The following SAMSN1 variants were observed in gnomAD, a reference collection of about 807,000 sequenced individuals.
SAMSN1 encodes SAM domain, SH3 domain and nuclear localization signals 1.
A neutral mutation model predicts 42.0 loss-of-function variants in SAMSN1; 31 were observed. The observed-to-expected ratio is 0.74, with a 90% CI of 0.55 to 1.00. The LOEUF (loss-of-function observed/expected upper bound fraction) is 1.00. Among genes scored for constraint, SAMSN1 ranks in the 50% least tolerant of loss-of-function variants. The pLI is 0.00. For synonymous variants in SAMSN1, 178 were observed against 151.9 expected, an observed-to-expected ratio of 1.17 and a Z score of -1.26; for missense variants, 464 against 439.4, an observed-to-expected ratio of 1.06 and a Z score of -0.50.
intron 2 of SAMSN1, among the ~76,000 whole-genome samples, chr21:14,618,193 T>G (rs1287676411): frequency 6.6e-6 from 1 of 152,218 alleles, no homozygotes; most frequent in African/African-American, 2.4e-5. Context: ...TTGGGAAATT[T>G]TGTTAAAAGA....
At chr21:14,489,410 T>C (rs1986582286) in intron 7 of SAMSN1, among the ~76,000 whole-genome samples, 1 of 152,178 alleles carries the variant, frequency 6.6e-6, no homozygotes, top group Non-Finnish European at 1.5e-5. Context: ...GCATATAACT[T>C]ACAAACAAAA....
chr21:14,616,434 T>A (rs1000378932), intron 2 of SAMSN1, among the ~76,000 whole-genome samples: 1 of 152,174 alleles, frequency 6.6e-6, no homozygotes, highest in Non-Finnish European at 1.5e-5. Flanking sequence ...GTGTGTTAGT[T>A]GTATCATAGA....
intron 2 of SAMSN1, among the ~76,000 whole-genome samples, chr21:14,561,647 C>A (rs948027225): frequency 6.6e-6 from 1 of 152,134 alleles, no homozygotes; most frequent in East Asian, 1.9e-4. Context: ...TGACCCCCAG[C>A]ACCTCAGAAT....
chr21:14,508,635 G>A (rs1987535686), intron 5 of SAMSN1, among the ~76,000 whole-genome samples: 1 of 152,216 alleles, frequency 6.6e-6, no homozygotes, highest in Non-Finnish European at 1.5e-5. Flanking sequence ...AACCACTATG[G>A]AAAACAGTGT....
At chr21:14,538,575 T>A (rs1979788755) in intron 1 of SAMSN1, among the ~76,000 whole-genome samples, 2 of 152,296 alleles carry the variant, frequency 1.3e-5, no homozygotes, top group Middle Eastern at 3.4e-3. Flanking sequence ...TTATACCTGG[T>A]TAGATAAGAG....
intron 2 of SAMSN1, among the ~76,000 whole-genome samples, chr21:14,564,995 A>G (rs1300123007): frequency 6.6e-6 from 1 of 152,086 alleles, no homozygotes; most frequent in East Asian, 1.9e-4. Flanking sequence ...AACCAAGAAG[A>G]AAAAAGAACA....
chr21:14,632,379 A>C (rs1442265538), intron 2 of SAMSN1, among the ~76,000 whole-genome samples: 4 of 152,086 alleles, frequency 2.6e-5, no homozygotes, highest in Admixed American at 6.6e-5. Flanking sequence ...AACCCTGATC[A>C]GTATCTTGTC....
chr21:14,506,003 A>G lies in SAMSN1; in HGVS notation c.561+4307T>C, dbSNP rs143217793. On this transcript the variant is annotated intron_variant, in intron 5 of 7. Transcript: ENST00000400566. The stretch of plus-strand genomic sequence containing the variant: ...GGTGAAAAATGAAATCAAGATGGAA[A>G]TTAAAAAATTCTTTGAACTGAACAA... Among the ~76,000 whole-genome samples the G allele has an allele frequency of 9.0e-3, 1,376 of 152,294 alleles. 31 individuals carry two copies. Among genetic ancestry groups the G allele is most frequent in the African/African-American group, 0.031 (1,299 of 41,572 alleles).
intron 6 of SAMSN1, among the ~76,000 whole-genome samples, chr21:14,595,310 C>T (rs1319534464): frequency 2.6e-5 from 4 of 151,982 alleles, no homozygotes; most frequent in African/African-American, 9.7e-5. Flanking sequence ...GAATTAGAGC[C>T]CTTATAAAAG....
chr21:14,548,846 G>A (rs1231733518), upstream of SAMSN1, among the ~76,000 whole-genome samples: 1 of 151,892 alleles, frequency 6.6e-6, no homozygotes, highest in South Asian at 2.1e-4. Context: ...GTCACAGATG[G>A]ACAGAACAAG....
Position 14,602,160 on chromosome 21 carries a change from C to T in SAMSN1, c.323-61G>A, listed in dbSNP as rs747378566. 4.3e-5 allele frequency: 20 copies of T among 469,060 alleles called. 1 individual carries two copies. Among genetic ancestry groups the T allele is most frequent in the Middle Eastern group, 5.5e-4 (1 of 1,816 alleles). 29.1% of individuals were successfully genotyped at this position (469,060 alleles called of 1,614,324 possible). ...AGACATTACAGGATTTAGGAAGTTT[C>T]GGTGCAATTTAACACTCATGTTTTT... On this transcript the variant is annotated intron_variant, in intron 5 of 15. Transcript: ENST00000647101.
At chr21:14,502,916 T>G (rs943578772) in intron 5 of SAMSN1, among the ~76,000 whole-genome samples, 48 of 152,232 alleles carry the variant, frequency 3.2e-4, no homozygotes, top group Non-Finnish European at 6.3e-4. Context: ...TTAGTTAACA[T>G]TGGTTTAGTG....
At chr21:14,634,132 C>T (rs557229120) in intron 2 of SAMSN1, among the ~76,000 whole-genome samples, 123 of 151,750 alleles carry the variant, frequency 8.1e-4, no homozygotes, top group Non-Finnish European at 1.3e-3. Flanking sequence ...AAACTGGACC[C>T]CTTCCTTATA....
chr21:14,626,242 C>A (rs1983166427), intron 2 of SAMSN1, among the ~76,000 whole-genome samples: 2 of 152,108 alleles, frequency 1.3e-5, no homozygotes, highest in Non-Finnish European at 1.5e-5. Context: ...GTCTAAAATA[C>A]CAAAAGCAAT....
chr21:14,498,708 C>T, intron 6 of SAMSN1, 116 bp from the exon 7 acceptor site: 3 of 701,418 alleles, frequency 4.3e-6, no homozygotes, highest in Non-Finnish European at 6.6e-6. Flanking sequence ...GCCAATAGAA[C>T]TTTTACTTAA....
intron 7 of SAMSN1, among the ~76,000 whole-genome samples, chr21:14,490,359 C>T (rs971161193): frequency 3.0e-4 from 45 of 152,110 alleles, no homozygotes; most frequent in African/African-American, 1.0e-3. Context: ...TTTCTCTATC[C>T]TGGGGCCATC....
chr21:14,570,416 A>T (rs1981263417), intron 2 of SAMSN1, among the ~76,000 whole-genome samples: 1 of 152,166 alleles, frequency 6.6e-6, no homozygotes, highest in Non-Finnish European at 1.5e-5. Flanking sequence ...AGGCAAATGG[A>T]TGACATTTCC....
At chr21:14,656,855 T>C (rs1407903929) in intron 1 of SAMSN1, among the ~76,000 whole-genome samples, 2 of 151,894 alleles carry the variant, frequency 1.3e-5, no homozygotes, top group Non-Finnish European at 2.9e-5. Flanking sequence ...ATGTGACACA[T>C]AATATTTAAA....
chr21:14,537,443 T>A (rs992044938), intron 1 of SAMSN1, among the ~76,000 whole-genome samples: 10 of 152,224 alleles, frequency 6.6e-5, no homozygotes, highest in Non-Finnish European at 5.9e-5. Context: ...ATCCTATTTA[T>A]TGTCTGTCAT....
Sources: allele counts gnomAD v4.1 joint callset (sites outside exome capture counted in the v4.1 genomes callset), GRCh38; gene constraint gnomAD v4.1.1; transcripts MANE v1.5; gene names NCBI Gene and HGNC (gene_info 2026-07-23, HGNC 2026-07-21).